The following RBFOX1 variants were observed in gnomAD, a reference collection of about 807,000 sequenced individuals.
RBFOX1 encodes the protein RNA binding fox-1 homolog 1, also known as RNA binding protein fox-1 homolog 1.
Under a neutral mutation model 57.7 loss-of-function variants are expected in RBFOX1, and 8 were observed. The ratio of observed to expected loss-of-function variants is 0.14; its 90% CI spans 0.08 to 0.25. The LOEUF (loss-of-function observed/expected upper bound fraction) is 0.25, where lower values mean the gene tolerates loss of function less well. Among genes scored for constraint, RBFOX1 ranks in the 10% least tolerant of loss-of-function variants. The pLI is 1.00. For missense variants in RBFOX1, 611 were observed against 548.5 expected (o/e 1.11, Z -1.14); for synonymous variants, 326 against 222.4 (o/e 1.47, Z -4.15).
At chr16:7,705,315 G>A (rs1270079606) in intron 14 of RBFOX1, among the ~76,000 whole-genome samples, 4 of 152,040 alleles carry the variant, frequency 2.6e-5, no homozygotes, top group Admixed American at 1.3e-4. Context: ...AACCATCGTG[G>A]CTAACACAGT....
intron 4 of RBFOX1, among the ~76,000 whole-genome samples, chr16:7,065,599 G>A (rs750740575): frequency 2.6e-5 from 4 of 152,068 alleles, no homozygotes; most frequent in Non-Finnish European, 5.9e-5. Context: ...TTGTGAAATG[G>A]CTAAATTGAA....
intron 3 of RBFOX1, among the ~76,000 whole-genome samples, chr16:5,634,579 G>C (rs940920320): frequency 6.6e-6 from 1 of 152,152 alleles, no homozygotes; most frequent in Non-Finnish European, 1.5e-5. Flanking sequence ...TGTAAGTCAG[G>C]ATGGTTTCAG....
intron 3 of RBFOX1, among the ~76,000 whole-genome samples, chr16:6,918,325 A>C (rs953519435): frequency 4.6e-5 from 7 of 151,130 alleles, no homozygotes; most frequent in Admixed American, 2.6e-4. Context: ...ACTCCACCCC[A>C]GGCCTACCGA....
At chr16:7,495,588 T>C (rs1252332944) in intron 4 of RBFOX1, among the ~76,000 whole-genome samples, 1 of 152,238 alleles carries the variant, frequency 6.6e-6, no homozygotes, top group Non-Finnish European at 1.5e-5. Context: ...AAGCATTTTT[T>C]CGTATGTTTG....
intron 2 of RBFOX1, among the ~76,000 whole-genome samples, chr16:6,492,342 G>A (rs1046601875): frequency 2.0e-5 from 3 of 152,158 alleles, no homozygotes; most frequent in African/African-American, 7.2e-5. Context: ...GGCCAAGGAA[G>A]GAGGATCATG....
intron 3 of RBFOX1, among the ~76,000 whole-genome samples, chr16:5,755,332 T>C (rs896272565): frequency 1.3e-5 from 2 of 152,096 alleles, no homozygotes; most frequent in African/African-American, 4.8e-5. Flanking sequence ...AGTAACAATC[T>C]GATCTCTCTT....
intron 3 of RBFOX1, chr16:6,775,831 A>G (rs1242918196): frequency 6.6e-6 from 1 of 152,240 alleles, no homozygotes; most frequent in Non-Finnish European, 1.5e-5. Flanking sequence ...CATGTGTCTT[A>G]TGAAAATCAG....
At chr16:6,637,504 T>TCCTATATATTATATATAA (rs1247289120) in intron 2 of RBFOX1, among the ~76,000 whole-genome samples, 234 of 17,972 alleles carry the variant, frequency 0.013, 1 homozygote, top group Non-Finnish European at 0.025. Flanking sequence ...ATATATAATA[T>TCCTATATATTATATATAA]TCTATATAGT....
At chr16:7,650,110 TAAG>T (rs34914810) in intron 11 of RBFOX1, among the ~76,000 whole-genome samples, 31,778 of 151,344 alleles carry the variant, frequency 0.21, 3,518 homozygotes, top group South Asian at 0.37. Context: ...GGAGCAAGTA[TAAG>T]AAGGAAGGAA....
intron 1 of RBFOX1, among the ~76,000 whole-genome samples, chr16:5,266,416 A>G (rs1400739770): frequency 6.6e-6 from 1 of 152,156 alleles, no homozygotes; most frequent in Non-Finnish European, 1.5e-5. Context: ...ATAAAGGACA[A>G]TGTCAGGTGA....
chr16:5,728,883 C>G (rs2052253584), intron 3 of RBFOX1, among the ~76,000 whole-genome samples: 1 of 152,180 alleles, frequency 6.6e-6, no homozygotes, highest in Non-Finnish European at 1.5e-5. Flanking sequence ...CTGTACCTGT[C>G]AAAATCTCTT....
chr16:7,176,119 T>C (rs887504528), intron 4 of RBFOX1, among the ~76,000 whole-genome samples: 2 of 151,748 alleles, frequency 1.3e-5, no homozygotes, highest in Admixed American at 1.3e-4. Flanking sequence ...TAATCAAATT[T>C]TTTTTATTGG....
At chr16:7,042,062 G>A (rs2046354916) in intron 3 of RBFOX1, among the ~76,000 whole-genome samples, 1 of 152,156 alleles carries the variant, frequency 6.6e-6, no homozygotes, top group Admixed American at 6.6e-5. Context: ...CTACAGAAGG[G>A]CCCAGTGCTT....
chr16:5,251,124 C>T (rs1156904758), intron 1 of RBFOX1, among the ~76,000 whole-genome samples: 3 of 136,166 alleles, frequency 2.2e-5, no homozygotes, highest in African/African-American at 5.1e-5. Context: ...ACCCTGCTAA[C>T]GGTCCCCCCA....
intron 3 of RBFOX1, among the ~76,000 whole-genome samples, chr16:5,618,821 C>T (rs1477058253): frequency 1.3e-5 from 2 of 152,160 alleles, no homozygotes; most frequent in East Asian, 3.9e-4. Context: ...TAAAAGGCAA[C>T]CTTCAATGTG....
At chr16:6,593,144 A>G (rs1335925177) in intron 2 of RBFOX1, among the ~76,000 whole-genome samples, 1 of 152,156 alleles carries the variant, frequency 6.6e-6, no homozygotes, top group Non-Finnish European at 1.5e-5. Flanking sequence ...GTGGGCTGAG[A>G]TGGCACCATT....
intron 1 of RBFOX1, among the ~76,000 whole-genome samples, chr16:5,306,976 C>G (rs553322304): frequency 5.9e-5 from 9 of 152,194 alleles, no homozygotes; most frequent in African/African-American, 1.7e-4. Flanking sequence ...GCAGGCATCT[C>G]AGCAAAACTT....
At chr16:5,984,120 T>C (rs1427194532) in intron 4 of RBFOX1, among the ~76,000 whole-genome samples, 3 of 6,816 alleles carry the variant, frequency 4.4e-4, no homozygotes, top group Non-Finnish European at 4.8e-4. Context: ...CTCCTCTCCT[T>C]CCCCTCCCCC....
chr16:6,486,090 T>G, intron 2 of RBFOX1, among the ~76,000 whole-genome samples: 1 of 136,994 alleles, frequency 7.3e-6, no homozygotes, highest in South Asian at 2.2e-4. Context: ...GGCTTTTTTT[T>G]TTTTTTTTTT....
Sources: allele counts gnomAD v4.1 joint callset (sites outside exome capture counted in the v4.1 genomes callset), GRCh38; gene constraint gnomAD v4.1.1; transcripts MANE v1.5; gene names NCBI Gene and HGNC (gene_info 2026-07-23, HGNC 2026-07-21).